LITAF: variants seen among roughly 807,000 people sequenced by gnomAD.
LITAF encodes lipopolysaccharide induced TNF factor, also known as lipopolysaccharide-induced tumor necrosis factor-alpha factor.
A neutral mutation model predicts 14.5 loss-of-function variants in LITAF; 9 were observed. The observed-to-expected ratio is 0.62, with a 90% CI of 0.37 to 1.08. The LOEUF is 1.08. Among genes scored for constraint, LITAF ranks in the 50% least tolerant of loss-of-function variants. LITAF has a pLI of 0.01. For synonymous variants in LITAF, 98 were observed against 88.2 expected, an observed-to-expected ratio of 1.11 and a Z score of -0.62; for missense variants, 206 against 213.4, an observed-to-expected ratio of 0.97 and a Z score of 0.22.
At chr16:11,612,579 C>T (rs941245170) in intron 3 of LITAF, among the ~76,000 whole-genome samples, 10 of 152,320 alleles carry the variant, frequency 6.6e-5, no homozygotes, top group East Asian at 3.9e-4. Context: ...CAGCTCAGGA[C>T]GCTCACGTGC....
chr16:11,585,150 G>A (rs1351452103), intron 1 of LITAF, among the ~76,000 whole-genome samples: 1 of 151,780 alleles, frequency 6.6e-6, no homozygotes, highest in Non-Finnish European at 1.5e-5. Flanking sequence ...GGGTTGAGGT[G>A]GGGTGGGGAG....
At chr16:11,572,248 C>T (rs1277556892) in intron 1 of LITAF, among the ~76,000 whole-genome samples, 4 of 152,102 alleles carry the variant, frequency 2.6e-5, no homozygotes, top group East Asian at 1.9e-4. Flanking sequence ...TCCCCAGGTA[C>T]GCAGGGTCTG....
At chr16:11,562,384 C>T (rs141256629) in intron 1 of LITAF, among the ~76,000 whole-genome samples, 276 of 151,096 alleles carry the variant, frequency 1.8e-3, no homozygotes, top group African/African-American at 6.4e-3. Flanking sequence ...AAGGGCCTCG[C>T]GTTTCCATGC....
At chr16:11,601,463 G>A (rs773018982), upstream of LITAF, among the ~76,000 whole-genome samples, 2 of 152,134 alleles carry the variant, frequency 1.3e-5, no homozygotes, top group African/African-American at 2.4e-5. Flanking sequence ...TTAGCTACTT[G>A]ACCCAAACTC....
chr16:11,593,199 T>A (rs553153990), intron 1 of LITAF, among the ~76,000 whole-genome samples: 261 of 149,412 alleles, frequency 1.7e-3, no homozygotes, highest in African/African-American at 6.2e-3. Flanking sequence ...AAAATAAAAA[T>A]ACAAAAATTA....
upstream of LITAF, among the ~76,000 whole-genome samples, chr16:11,638,056 ATATATATATC>A (rs1272880182): frequency 6.3e-5 from 4 of 63,556 alleles, 1 homozygote; most frequent in African/African-American, 4.6e-4. Flanking sequence ...ATATATATCT[ATATATATATC>A]TATATATATA....
chr16:11,576,698 C>G (rs2064642451), intron 1 of LITAF, among the ~76,000 whole-genome samples: 4 of 152,204 alleles, frequency 2.6e-5, no homozygotes, highest in Admixed American at 1.3e-4. Context: ...TACTTCAAAG[C>G]CTCTGAGGAC....
chr16:11,566,257 C>T (rs996286915), intron 1 of LITAF, among the ~76,000 whole-genome samples: 5 of 152,122 alleles, frequency 3.3e-5, no homozygotes, highest in African/African-American at 1.2e-4. Flanking sequence ...AGAAAGAGGG[C>T]CAAAACATTA....
At chr16:11,580,071 C>T (rs1040120596) in intron 1 of LITAF, among the ~76,000 whole-genome samples, 2 of 152,150 alleles carry the variant, frequency 1.3e-5, no homozygotes, top group Admixed American at 6.5e-5. Flanking sequence ...AAAGGAAATG[C>T]TCATTGGAGC....
chr16:11,637,974 C>CTA (rs1191061266), upstream of LITAF, among the ~76,000 whole-genome samples: 85 of 31,600 alleles, frequency 2.7e-3, 6 homozygotes, highest in African/African-American at 0.021. Context: ...ATCTATATAT[C>CTA]TATATATATC....
intron 3 of LITAF, among the ~76,000 whole-genome samples, chr16:11,613,185 A>G (rs2064993388): frequency 6.6e-6 from 1 of 152,076 alleles, no homozygotes; most frequent in Admixed American, 6.6e-5. Flanking sequence ...GACTACAGGC[A>G]CCTACCACCA....
At chr16:11,626,603 G>C (rs1043021282) in intron 3 of LITAF, among the ~76,000 whole-genome samples, 1 of 152,168 alleles carries the variant, frequency 6.6e-6, no homozygotes, top group Non-Finnish European at 1.5e-5. Context: ...CTCCCAAAGT[G>C]CTGGGATTAC....
intron 1 of LITAF, chr16:11,575,352 G>C (rs1196299996): frequency 6.6e-6 from 1 of 152,260 alleles, no homozygotes; most frequent in Non-Finnish European, 1.5e-5. Context: ...CTGGGGACAA[G>C]GGCAAGGGGG....
chr16:11,576,923 T>C (rs2064645753), intron 1 of LITAF, among the ~76,000 whole-genome samples: 1 of 152,184 alleles, frequency 6.6e-6, no homozygotes, highest in African/African-American at 2.4e-5. Flanking sequence ...CTTTGAAAAT[T>C]CCAGAAAACA....
intron 3 of LITAF, among the ~76,000 whole-genome samples, chr16:11,620,896 C>A (rs1329478351): frequency 6.6e-6 from 1 of 152,142 alleles, no homozygotes; most frequent in Non-Finnish European, 1.5e-5. Context: ...CTGGGCTCGC[C>A]ATTTGTGACT....
At chr16:11,638,076 ATCTATATCTATC>A (rs1435623401), upstream of LITAF, among the ~76,000 whole-genome samples, 17 of 86,162 alleles carry the variant, frequency 2.0e-4, 4 homozygotes, top group African/African-American at 1.3e-3. Flanking sequence ...CTATATATAT[ATCTATATCTATC>A]TATCTATCTA....
At chr16:11,574,018 T>G (rs200570708) in intron 1 of LITAF, among the ~76,000 whole-genome samples, 4,950 of 148,336 alleles carry the variant, frequency 0.033, 135 homozygotes, top group African/African-American at 0.072. Flanking sequence ...TGGTTTTTTT[T>G]TTGTTGTTGT....
upstream of LITAF, chr16:11,598,532 C>T (rs1023384081): frequency 5.9e-5 from 9 of 152,080 alleles, no homozygotes; most frequent in African/African-American, 2.2e-4. Context: ...GGTAGGGAGT[C>T]GTGCCTGTGG....
chr16:11,572,955 G>A (rs892374879), intron 1 of LITAF, among the ~76,000 whole-genome samples: 2 of 149,886 alleles, frequency 1.3e-5, no homozygotes, highest in Non-Finnish European at 3.0e-5. Context: ...TTGAGACAGG[G>A]TCTCACTCTG....
Sources: allele counts gnomAD v4.1 joint callset (sites outside exome capture counted in the v4.1 genomes callset), GRCh38; gene constraint gnomAD v4.1.1; transcripts MANE v1.5; gene names NCBI Gene and HGNC (gene_info 2026-07-23, HGNC 2026-07-21).